The following OLFM3 variants were observed in gnomAD, a reference collection of about 807,000 sequenced individuals.
OLFM3 encodes noelin-3.
In OLFM3, 20 loss-of-function variants were observed where a neutral mutation model predicts 48.6. The observed-to-expected ratio is 0.41, with a 90% CI of 0.29 to 0.60. The LOEUF is 0.60. Ranked by LOEUF, OLFM3 falls within the 20% of genes least tolerant of loss-of-function variation. The probability of loss-of-function intolerance (pLI) is 0.28; values close to 1 mark genes in which losing one functional copy is unlikely to be tolerated. For synonymous variants in OLFM3, 222 were observed against 198.1 expected (o/e 1.12, Z -1.01); for missense variants, 437 against 544.3 (o/e 0.80, Z 1.96).
At chr1:101,948,040 A>C (rs1263262713) in intron 1 of OLFM3, among the ~76,000 whole-genome samples, 1 of 152,202 alleles carries the variant, frequency 6.6e-6, no homozygotes, top group Non-Finnish European at 1.5e-5. Context: ...TGAAAATTCA[A>C]ATGAAAACCA....
chr1:101,975,489 T>C (rs1428691009), intron 1 of OLFM3, among the ~76,000 whole-genome samples: 2 of 149,926 alleles, frequency 1.3e-5, no homozygotes, highest in African/African-American at 4.9e-5. Flanking sequence ...ACATAAGAAA[T>C]AGTTGGCTGT....
At chr1:101,960,622 T>G (rs1660439122) in intron 1 of OLFM3, among the ~76,000 whole-genome samples, 1 of 152,184 alleles carries the variant, frequency 6.6e-6, no homozygotes. Flanking sequence ...CCTGTGTAGT[T>G]CTTGGGTGAG....
chr1:101,910,271 T>C (rs1440564958), intron 1 of OLFM3: 7 of 237,684 alleles, frequency 2.9e-5, no homozygotes, highest in South Asian at 1.5e-4. Context: ...TCGAGACCAT[T>C]CTGGCTAACA....
intron 1 of OLFM3, among the ~76,000 whole-genome samples, chr1:101,961,973 T>C (rs1660479516): frequency 6.6e-6 from 1 of 152,206 alleles, no homozygotes; most frequent in Admixed American, 6.5e-5. Context: ...TTCCTTTTCA[T>C]CTGTTAACAC....
chr1:101,969,438 A>T (rs1570676503), intron 1 of OLFM3, among the ~76,000 whole-genome samples: 1 of 151,872 alleles, frequency 6.6e-6, no homozygotes, highest in South Asian at 2.1e-4. Context: ...AGAGTGCTGG[A>T]ATTACAGGTG....
intron 1 of OLFM3, among the ~76,000 whole-genome samples, chr1:101,964,997 G>A (rs1660569149): frequency 6.6e-6 from 1 of 152,128 alleles, no homozygotes; most frequent in African/African-American, 2.4e-5. Context: ...AGAAACTCAA[G>A]TCTATGTTCT....
chr1:101,950,455 T>TC (rs1163917399), intron 1 of OLFM3, among the ~76,000 whole-genome samples: 5 of 151,676 alleles, frequency 3.3e-5, no homozygotes, highest in African/African-American at 7.3e-5. Context: ...TTTTTTTTTT[T>TC]TGAGACGGAG....
At chr1:101,887,367 A>C (rs1408922360) in intron 1 of OLFM3, among the ~76,000 whole-genome samples, 1 of 152,016 alleles carries the variant, frequency 6.6e-6, no homozygotes, top group Non-Finnish European at 1.5e-5. Context: ...ATTTATAATA[A>C]AATGGCAAAC....
intron 1 of OLFM3, among the ~76,000 whole-genome samples, chr1:101,958,839 A>G (rs1401591190): frequency 3.2e-5 from 1 of 31,314 alleles, no homozygotes; most frequent in Non-Finnish European, 6.3e-5. Flanking sequence ...GTGATATTAT[A>G]TATATATATA....
chr1:101,992,824 C>T (rs151113914), intron 1 of OLFM3, among the ~76,000 whole-genome samples: 56 of 152,126 alleles, frequency 3.7e-4, no homozygotes, highest in African/African-American at 1.3e-3. Flanking sequence ...CTTATCATGC[C>T]TATAGGGCTT....
At position 101,830,714 on chromosome 1, in the gene OLFM3, C is replaced by A. The variant is rs777949297; in HGVS notation, c.330G>T (p.Gln110His). The A allele has an allele frequency of 1.4e-5, 23 of 1,614,064 alleles. No homozygotes were observed. Among genetic ancestry groups the A allele is most frequent in the Non-Finnish European group, 5.9e-6 (7 of 1,180,028 alleles). The change falls in exon 3 of 6, where the codon CAG becomes CAT. Residue 110 changes from glutamine to histidine, a missense_variant. Physicochemically the swap from Gln to His is conservative, Grantham distance 24 (BLOSUM62 0). Coordinates refer to ENST00000370103, the MANE Select transcript of OLFM3 (RefSeq NM_058170.4). The part of the protein sequence containing the change: ...QMKGLKAKFR[Q>H]IEDDRKTLMT... Reference sequence around the variant, plus strand: ...TAAGTGTCTTTCGATCATCTTCAATCTGCCGAAATTTTGCCTTCAGCCCTT... The same window carrying A: ...TAAGTGTCTTTCGATCATCTTCAATATGCCGAAATTTTGCCTTCAGCCCTT...
intron 4 of OLFM3, among the ~76,000 whole-genome samples, chr1:101,809,967 T>A (rs1408390526): frequency 6.6e-6 from 1 of 151,910 alleles, no homozygotes; most frequent in Non-Finnish European, 1.5e-5. Flanking sequence ...TTCTTACAGA[T>A]CTCATCTGCT....
intron 1 of OLFM3, among the ~76,000 whole-genome samples, chr1:101,864,030 G>A (rs1398461798): frequency 6.6e-6 from 1 of 152,118 alleles, no homozygotes; most frequent in Non-Finnish European, 1.5e-5. Flanking sequence ...GGGCGCCAGT[G>A]CCTCTTCTCT....
intron 1 of OLFM3, among the ~76,000 whole-genome samples, chr1:101,986,539 T>C (rs1570692332): frequency 6.6e-6 from 1 of 152,240 alleles, no homozygotes; most frequent in South Asian, 2.1e-4. Context: ...ATGATTTCTC[T>C]TTTCCTTAAT....
intron 1 of OLFM3, among the ~76,000 whole-genome samples, chr1:101,925,823 C>T (rs1255058614): frequency 6.6e-6 from 1 of 152,100 alleles, no homozygotes; most frequent in African/African-American, 2.4e-5. Context: ...GGTCACTGTG[C>T]CTGGCCTATA....
intron 4 of OLFM3, among the ~76,000 whole-genome samples, chr1:101,815,074 A>T (rs764572804): frequency 9.2e-5 from 14 of 152,174 alleles, no homozygotes; most frequent in Non-Finnish European, 1.9e-4. Flanking sequence ...AAGTCATTGG[A>T]TTATTTTAAA....
chr1:101,836,826 G>A lies in OLFM3; in HGVS notation c.216+53C>T. On this transcript the variant is annotated intron_variant, in intron 2 of 5. Transcript: ENST00000370103. ...TATCGGCTCTACCATATTTCCTTTT[G>A]AAAGAATGGTCGATTTTACTAAAAA... The A allele has an allele frequency of 4.5e-6, 7 of 1,565,346 alleles. No homozygotes were observed. In the South Asian group the frequency reaches 6.8e-5, roughly 15 times the overall value.
At chr1:101,935,428 G>T (rs1659581967) in intron 1 of OLFM3, among the ~76,000 whole-genome samples, 1 of 151,952 alleles carries the variant, frequency 6.6e-6, no homozygotes, top group African/African-American at 2.4e-5. Context: ...GAATCAGGAA[G>T]AAATTGAATC....
At chr1:101,980,309 T>C (rs181863142) in intron 1 of OLFM3, among the ~76,000 whole-genome samples, 1 of 152,140 alleles carries the variant, frequency 6.6e-6, no homozygotes, top group Admixed American at 6.5e-5. Flanking sequence ...CGGGGTGGAA[T>C]GATATGGTTT....
Sources: gnomAD v4.1 joint callset for allele counts (sites outside exome capture counted in the v4.1 genomes callset) on GRCh38, gnomAD v4.1.1 for gene constraint, MANE v1.5 for transcripts, NCBI Gene and HGNC (gene_info 2026-07-23, HGNC 2026-07-21) for gene names.